Variants in AIFM2 observed in about 807,000 individuals in gnomAD.
AIFM2 encodes AIF family member 2, ferroptosis suppressor, also known as ferroptosis suppressor protein 1.
In AIFM2, 38 loss-of-function variants were observed where a neutral mutation model predicts 35.7. That is an observed-to-expected ratio of 1.06 (90% confidence interval 0.82 to 1.39). The LOEUF (loss-of-function observed/expected upper bound fraction) is 1.39. Ranked by LOEUF, AIFM2 falls within the 40% of genes most tolerant of loss-of-function variation. The pLI is 0.00. For synonymous variants in AIFM2, 185 were observed against 203.5 expected, an observed-to-expected ratio of 0.91 and a Z score of 0.77; for missense variants, 476 against 491.2, an observed-to-expected ratio of 0.97 and a Z score of 0.29.
rs2072391332 is a variant in AIFM2 at position 70,112,819 on chromosome 10, A to T, written c.*1359T>A. 1 of 152,254 alleles carries T rather than the reference A, an allele frequency of 6.6e-6. No homozygotes were observed. Among genetic ancestry groups the T allele is most frequent in the Admixed American group, 6.5e-5 (1 of 15,278 alleles). 9.4% of individuals were successfully genotyped at this position (152,254 alleles called of 1,614,324 possible). On this transcript the variant is annotated 3_prime_UTR_variant, in exon 9 of 9. Coordinates refer to ENST00000307864, the MANE Select transcript of AIFM2 (RefSeq NM_032797.6). ...ATAGAGGAATCATTTATACACTGTA[A>T]CATAGTCGGTGGCAGACATTAGTGC...
In AIFM2 at chr10:70,117,223, A is replaced by G. The variant is rs2072448303; in HGVS notation, c.617-449T>C. 6.6e-6 allele frequency among the ~76,000 whole-genome samples: 1 copy of G among 152,180 alleles called. No individual in the cohort carries two copies. Among genetic ancestry groups the G allele is most frequent in the Non-Finnish European group, 1.5e-5 (1 of 68,020 alleles). ...TGACGGCAGCACTCCACAGCCAGTT[A>G]CCAAAAGGAGGCTGAGGCAGCCATG... On this transcript the variant is annotated intron_variant, in intron 6 of 8. Coordinates refer to ENST00000307864, the MANE Select transcript of AIFM2 (RefSeq NM_032797.6). The surrounding 1 kb of genome is among the most constrained non-coding windows in gnomAD (Gnocchi z 4.7).
intron 1 of AIFM2, among the ~76,000 whole-genome samples, chr10:70,124,791 C>T (rs779244213): frequency 3.3e-5 from 5 of 152,282 alleles, no homozygotes; most frequent in Middle Eastern, 3.4e-3. Flanking sequence ...AAACAAACAC[C>T]GCAACCAGAT....
Position 70,124,090 on chromosome 10 carries a change from A to G in AIFM2, c.-6T>C, listed in dbSNP as rs946777480. ...ACCGAGACCTGGGACCCCATCTCAA[A>G]TCAGGCACTGCTGGGAAGAAAGAGG... On this transcript the variant is annotated 5_prime_UTR_variant, in exon 2 of 9. Coordinates refer to ENST00000307864, the MANE Select transcript of AIFM2 (RefSeq NM_032797.6). The G allele has an allele frequency of 2.0e-6, 3 of 1,499,826 alleles. No individual in the cohort carries two copies. Among genetic ancestry groups the G allele is most frequent in the Non-Finnish European group, 1.8e-6 (2 of 1,117,528 alleles). The allele number at this position is 1,499,826 out of a possible 1,614,324, so 92.9% of individuals were successfully genotyped here.
rs41277976 is a variant in AIFM2, at chr10:70,123,953, G to A, written c.132C>T (p.Asp44=). Residue 44 remains aspartate (D), a synonymous_variant, in exon 2 of 9, where the codon GAC becomes GAT. Coordinates refer to ENST00000307864, the MANE Select transcript of AIFM2 (RefSeq NM_032797.6). ...NVPFMLVDMK[D]SFHHNVAALR... is the part of the protein sequence containing the mutation. ...GAGCAGCCACATTGTGGTGGAAGGA[G>A]TCCTTCATGTCCACCAGCATGAAGG... is the stretch of plus-strand genomic sequence containing the variant. 13,682 of 1,609,970 alleles carry A rather than the reference G, an allele frequency of 8.5e-3. 112 individuals are homozygous for A. The highest frequency in any genetic ancestry group is 0.028 in the South Asian group (2,552 of 90,784).
Position 70,112,420 on chromosome 10 carries a change from G to GAT in AIFM2, c.*1756_*1757dup, listed in dbSNP as rs1485558690. On this transcript the variant is annotated 3_prime_UTR_variant, in exon 9 of 9. Transcript: ENST00000307864. ...TCCCACCTCGCTGGACCCCAGGTCA[G>GAT]ATAGCACCAGGGCCTGTGTTTCTTA... The GAT allele has an allele frequency of 6.6e-6, 1 of 152,254 alleles. No individual in the cohort carries two copies. The highest frequency in any genetic ancestry group is 1.5e-5 in the Non-Finnish European group (1 of 68,050). The allele number at this position is 152,254 out of a possible 1,614,324, so 9.4% of individuals were successfully genotyped here.
intron 1 of AIFM2, among the ~76,000 whole-genome samples, chr10:70,132,428 C>T (rs1051345867): frequency 6.6e-6 from 1 of 152,238 alleles, no homozygotes; most frequent in Admixed American, 6.5e-5. Context: ...CCGGTTCGCC[C>T]TTCCCGGCCT....
At position 70,124,075 on chromosome 10, in the gene AIFM2, G is replaced by A. The variant is rs2072540111; in HGVS notation, c.10C>T (p.Gln4Ter). 6.5e-7 allele frequency: 1 copy of A among 1,533,726 alleles called. No individual in the cohort carries two copies. Among genetic ancestry groups the A allele is most frequent in the Non-Finnish European group, 8.8e-7 (1 of 1,135,370 alleles). MGS[Q>*]VSVESGALHV... ...AGAGCTCCCGATTCCACCGAGACCT[G>A]GGACCCCATCTCAAATCAGGCACTG... The change falls in exon 2 of 9, where the codon CAG (glutamine) becomes TAG (stop). Residue 4 changes from glutamine to a stop codon, truncating the protein, a stop_gained. Transcript: ENST00000307864. LOFTEE classifies it high-confidence loss of function.
At chr10:70,120,647 C>T (rs765862041) in intron 4 of AIFM2, 48 bp from the exon 5 acceptor site, 3 of 1,594,136 alleles carry the variant, frequency 1.9e-6, no homozygotes, top group Non-Finnish European at 2.6e-6. Flanking sequence ...CACACCTACA[C>T]ATCCACCTCT....
chr10:70,126,357 G>C (rs960056715), intron 1 of AIFM2, among the ~76,000 whole-genome samples: 3 of 152,344 alleles, frequency 2.0e-5, no homozygotes, highest in East Asian at 1.9e-4. Context: ...TTCAGGAAGG[G>C]GGACTGGAGC....
chr10:70,116,508 A>C (rs748715246), intron 7 of AIFM2, 114 bp downstream of exon 7: 143 of 1,343,828 alleles, frequency 1.1e-4, no homozygotes, highest in Non-Finnish European at 1.4e-4. Context: ...AGCTGTTGGG[A>C]AGAAAGGGGG....
intron 1 of AIFM2, among the ~76,000 whole-genome samples, chr10:70,129,889 TAAAAA>T: frequency 6.7e-6 from 1 of 149,342 alleles, no homozygotes; most frequent in Non-Finnish European, 1.5e-5. Context: ...CCCCATCTTT[TAAAAA>T]AAAAAAATGA....
chr10:70,119,116 A>G (rs150437503), intron 5 of AIFM2, among the ~76,000 whole-genome samples: 203 of 152,348 alleles, frequency 1.3e-3, no homozygotes, highest in African/African-American at 4.6e-3. Flanking sequence ...CAGGACAGTG[A>G]TGCACCCCAA....
At chr10:70,124,221 G>A in intron 1 of AIFM2, 124 bp from the exon 2 acceptor site, 1 of 674,352 alleles carries the variant, frequency 1.5e-6, no homozygotes, top group Non-Finnish European at 2.1e-6. Flanking sequence ...TTTGATTAAT[G>A]AAACTCCAAT....
At chr10:70,116,544 G>T in intron 7 of AIFM2, 78 bp downstream of exon 7, 1 of 1,569,656 alleles carries the variant, frequency 6.4e-7, no homozygotes. Context: ...GGACTCCTGG[G>T]GGCAAGCACT....
At chr10:70,125,158 G>C (rs2072551328) in intron 1 of AIFM2, among the ~76,000 whole-genome samples, 1 of 152,056 alleles carries the variant, frequency 6.6e-6, no homozygotes, top group South Asian at 2.1e-4. Flanking sequence ...ATACATTTCT[G>C]TTCATTATAA....
At chr10:70,114,828 C>G in intron 8 of AIFM2, 92 bp downstream of exon 8, 2 of 1,413,276 alleles carry the variant, frequency 1.4e-6, no homozygotes. Context: ...AGAGTTTGTT[C>G]TAGTGGCCAG....
chr10:70,126,619 G>A (rs568341922), intron 1 of AIFM2, among the ~76,000 whole-genome samples: 22 of 152,162 alleles, frequency 1.4e-4, no homozygotes, highest in Non-Finnish European at 1.5e-4. Flanking sequence ...AGCTGTCCTC[G>A]TACACACTGG....
intron 7 of AIFM2, among the ~76,000 whole-genome samples, 186 bp downstream of exon 7, chr10:70,116,436 G>A (rs998583237): frequency 2.6e-5 from 4 of 152,224 alleles, no homozygotes; most frequent in East Asian, 1.9e-4. Flanking sequence ...ACCTGGGGCC[G>A]AGCCATGGTC....
intron 2 of AIFM2, 44 bp downstream of exon 2, chr10:70,123,858 AGAGAC>A (rs1219496230): frequency 2.0e-6 from 3 of 1,486,362 alleles, no homozygotes; most frequent in South Asian, 2.8e-5. Flanking sequence ...GCCCCAGAGC[AGAGAC>A]AAGACCCCCC....
Sources: allele counts gnomAD v4.1 joint callset (sites outside exome capture counted in the v4.1 genomes callset), GRCh38; gene constraint gnomAD v4.1.1; non-coding constraint Gnocchi (gnomAD v3.1); transcripts MANE v1.5; gene names NCBI Gene and HGNC (gene_info 2026-07-23, HGNC 2026-07-21).